NRG1: variants seen among roughly 807,000 people sequenced by gnomAD.
The protein encoded by NRG1 is pro-neuregulin-1, membrane-bound isoform.
In NRG1, 18 loss-of-function variants were observed where a neutral mutation model predicts 63.8. The ratio of observed to expected loss-of-function variants is 0.28; its 90% confidence interval spans 0.19 to 0.42. The LOEUF (loss-of-function observed/expected upper bound fraction) is 0.42, where lower values mean the gene tolerates loss of function less well. Among genes scored for constraint, NRG1 ranks in the 10% least tolerant of loss-of-function variants. NRG1 has a pLI of 1.00. For missense variants in NRG1, 762 were observed against 814.7 expected (o/e 0.94, Z 0.79); for synonymous variants, 302 against 301.3 (o/e 1.00, Z -0.02).
rs564354320 is a variant in NRG1 at position 32,379,796 on chromosome 8, C to T, written c.38-216032C>T. Among the ~76,000 whole-genome samples the T allele has an allele frequency of 2.6e-5, 4 of 152,358 alleles. No individual in the cohort carries two copies. In the South Asian group the frequency reaches 8.3e-4, roughly 32 times the overall value. ...GAGCCAGAACTTGAAGCTCGATCAA[C>T]TCCACCTATAGGTCAATACTGTCCT... On this transcript the variant is annotated intron_variant, in intron 1 of 10. Coordinates refer to the NRG1 transcript ENST00000519301.
intron 1 of NRG1, among the ~76,000 whole-genome samples, chr8:32,188,861 A>G (rs1461247177): frequency 6.6e-6 from 1 of 152,028 alleles, no homozygotes; most frequent in Middle Eastern, 3.2e-3. Context: ...CCTAATGCTA[A>G]ATGATGAGTT....
At chr8:32,515,281 A>G (rs539535546) in intron 1 of NRG1, among the ~76,000 whole-genome samples, 3 of 152,052 alleles carry the variant, frequency 2.0e-5, no homozygotes, top group African/African-American at 4.8e-5. Context: ...AGCATCTATT[A>G]TTTTTTGACT....
At chr8:31,662,423 G>C (rs1189984281) in intron 1 of NRG1, among the ~76,000 whole-genome samples, 1 of 152,214 alleles carries the variant, frequency 6.6e-6, no homozygotes, top group Non-Finnish European at 1.5e-5. Flanking sequence ...AGCCTATGTA[G>C]TTCCCAGCAT....
chr8:32,408,465 C>T lies in NRG1; in HGVS notation c.38-187363C>T, dbSNP rs140598004. Among the ~76,000 whole-genome samples the T allele has an allele frequency of 2.7e-3, 413 of 152,212 alleles. 3 individuals carry two copies. The highest frequency in any genetic ancestry group is 9.3e-3 in the African/African-American group (387 of 41,538). ...AGCATATGGGAGCTGTTAGTTAGTG[C>T]CCTGAAGCTCTCTAGTTATTTGGGG... On this transcript the variant is annotated intron_variant, in intron 1 of 10. Transcript: ENST00000519301.
chr8:32,414,895 G>C (rs1815639678), intron 1 of NRG1, among the ~76,000 whole-genome samples: 1 of 152,116 alleles, frequency 6.6e-6, no homozygotes, highest in Non-Finnish European at 1.5e-5. Flanking sequence ...CTGGCAGCTG[G>C]AGGATACCCA....
At chr8:32,468,839 C>A (rs1823413308) in intron 1 of NRG1, among the ~76,000 whole-genome samples, 1 of 151,618 alleles carries the variant, frequency 6.6e-6, no homozygotes, top group East Asian at 1.9e-4. Context: ...TTGGAAGTGT[C>A]TCTTCTTTTG....
intron 1 of NRG1, among the ~76,000 whole-genome samples, chr8:31,755,194 T>G (rs1816849173): frequency 6.6e-6 from 1 of 152,138 alleles, no homozygotes; most frequent in Non-Finnish European, 1.5e-5. Flanking sequence ...AAGAGTGACC[T>G]GTGTGGCCTT....
intron 5 of NRG1, among the ~76,000 whole-genome samples, chr8:32,634,636 GTA>G (rs1201534145): frequency 6.6e-6 from 1 of 152,156 alleles, no homozygotes; most frequent in East Asian, 1.9e-4. Flanking sequence ...ATGTGAACAT[GTA>G]TATTCTCATC....
intron 1 of NRG1, among the ~76,000 whole-genome samples, chr8:32,515,477 C>A (rs556659193): frequency 6.6e-6 from 1 of 152,018 alleles, no homozygotes; most frequent in Non-Finnish European, 1.5e-5. Context: ...GACAGGGTCT[C>A]GCTCTGTTTC....
chr8:31,793,803 A>T lies in NRG1; in HGVS notation c.37+154372A>T, dbSNP rs1038753082. ...GGATGATGATGCTTTTTCTATCCTT[A>T]TCACCATTTGTCAAGATACAACTTT... On this transcript the variant is annotated intron_variant, in intron 1 of 10. Coordinates refer to the NRG1 transcript ENST00000519301. Among the ~76,000 whole-genome samples the T allele has an allele frequency of 4.6e-5, 7 of 152,242 alleles. No individual in the cohort carries two copies. The South Asian group carries it at 1.5e-3, about 32-fold the overall frequency.
intron 1 of NRG1, among the ~76,000 whole-genome samples, chr8:32,386,965 T>C (rs1452244835): frequency 4.7e-5 from 7 of 148,720 alleles, no homozygotes; most frequent in Non-Finnish European, 9.1e-5. Context: ...AACTCACATA[T>C]GTAAAAAAAA....
intron 1 of NRG1, among the ~76,000 whole-genome samples, chr8:31,695,658 C>A (rs1218749933): frequency 1.3e-5 from 2 of 152,152 alleles, no homozygotes; most frequent in East Asian, 1.9e-4. Flanking sequence ...TACTGAGGAA[C>A]AACTTAATGT....
chr8:31,805,074 C>A (rs1018192069), intron 1 of NRG1, among the ~76,000 whole-genome samples: 5 of 152,086 alleles, frequency 3.3e-5, no homozygotes, highest in Non-Finnish European at 7.4e-5. Flanking sequence ...TGAAGGTTAT[C>A]CTTTCAATTC....
intron 1 of NRG1, among the ~76,000 whole-genome samples, chr8:31,897,702 T>C (rs1831692229): frequency 6.6e-6 from 1 of 152,122 alleles, no homozygotes; most frequent in African/African-American, 2.4e-5. Context: ...ATAACTTGAC[T>C]CTTTCATCCA....
At chr8:31,894,582 G>A (rs1450102217) in intron 1 of NRG1, among the ~76,000 whole-genome samples, 9 of 131,888 alleles carry the variant, frequency 6.8e-5, no homozygotes, top group Middle Eastern at 4.3e-3. Context: ...ATGGAGTCTC[G>A]CTCTGTCGCC....
intron 1 of NRG1, among the ~76,000 whole-genome samples, chr8:32,486,688 G>A (rs1825945969): frequency 1.3e-5 from 2 of 150,302 alleles, no homozygotes; most frequent in African/African-American, 2.5e-5. Context: ...GCAGTGGCAT[G>A]ACCTTGGCAC....
chr8:31,725,757 A>G (rs1163405475), intron 1 of NRG1, among the ~76,000 whole-genome samples: 2 of 152,124 alleles, frequency 1.3e-5, no homozygotes, highest in Admixed American at 6.6e-5. Context: ...TACTTTTCAC[A>G]ATTTACAAAT....
At chr8:32,134,519 G>A (rs1835260646) in intron 1 of NRG1, among the ~76,000 whole-genome samples, 1 of 151,978 alleles carries the variant, frequency 6.6e-6, no homozygotes. Context: ...AATTCTTACA[G>A]ACGTTATTAA....
At chr8:32,335,525 T>C (rs981842568) in intron 1 of NRG1, among the ~76,000 whole-genome samples, 2 of 152,126 alleles carry the variant, frequency 1.3e-5, no homozygotes, top group African/African-American at 4.8e-5. Flanking sequence ...TTCCAAAATA[T>C]AGTGTTAGGG....
Sources: allele counts gnomAD v4.1 joint callset (sites outside exome capture counted in the v4.1 genomes callset), GRCh38; gene constraint gnomAD v4.1.1; transcripts MANE v1.5; gene names NCBI Gene and HGNC (gene_info 2026-07-23, HGNC 2026-07-21).